MYO3B: variants seen among roughly 807,000 people sequenced by gnomAD.
The protein encoded by MYO3B is myosin-IIIb.
A neutral mutation model predicts 174.6 loss-of-function variants in MYO3B; 156 were observed. That is an observed-to-expected ratio of 0.89 (90% confidence interval 0.78 to 1.02). MYO3B has a LOEUF of 1.02. Ranked by LOEUF, MYO3B falls within the 50% of genes least tolerant of loss-of-function variation. The pLI is 0.00. For synonymous variants in MYO3B, 563 were observed against 569.1 expected (o/e 0.99, Z 0.15); for missense variants, 1,632 against 1,639.4 (o/e 1.00, Z 0.08).
At chr2:170,634,423 A>G (rs1258995861) in intron 32 of MYO3B, among the ~76,000 whole-genome samples, 1 of 152,224 alleles carries the variant, frequency 6.6e-6, no homozygotes, top group Non-Finnish European at 1.5e-5. Context: ...CATATGTAGA[A>G]AGCGGAAACT....
intron 29 of MYO3B, among the ~76,000 whole-genome samples, chr2:170,515,853 G>A (rs1688270587): frequency 6.6e-6 from 1 of 152,026 alleles, no homozygotes; most frequent in Non-Finnish European, 1.5e-5. Flanking sequence ...ATACTGAACT[G>A]GAACTTTACC....
intron 29 of MYO3B, among the ~76,000 whole-genome samples, chr2:170,519,093 C>G (rs1008339319): frequency 6.6e-6 from 1 of 152,180 alleles, no homozygotes; most frequent in African/African-American, 2.4e-5. Flanking sequence ...GATCTGCTGT[C>G]TCTGTCTAGC....
At chr2:170,224,520 C>T (rs896980876) in intron 6 of MYO3B, among the ~76,000 whole-genome samples, 2 of 151,904 alleles carry the variant, frequency 1.3e-5, no homozygotes, top group Admixed American at 1.3e-4. Flanking sequence ...TGGAAGTATA[C>T]TCTGAAATTG....
intron 20 of MYO3B, among the ~76,000 whole-genome samples, chr2:170,405,160 C>T (rs904433946): frequency 6.6e-6 from 1 of 152,158 alleles, no homozygotes; most frequent in Non-Finnish European, 1.5e-5. Flanking sequence ...GGCAGAGATT[C>T]ACTTTTATGA....
chr2:170,235,705 TGTG>T (rs2093062230), intron 6 of MYO3B, among the ~76,000 whole-genome samples: 1 of 152,192 alleles, frequency 6.6e-6, no homozygotes, highest in South Asian at 2.1e-4. Context: ...GTTGGGATGG[TGTG>T]GTATACATCC....
chr2:170,191,928 A>C (rs916366066), intron 1 of MYO3B, among the ~76,000 whole-genome samples: 4 of 152,110 alleles, frequency 2.6e-5, no homozygotes, highest in African/African-American at 9.7e-5. Flanking sequence ...GTAACTCGAG[A>C]TTCTCCTATT....
At chr2:170,573,818 A>G (rs973587923) in intron 32 of MYO3B, among the ~76,000 whole-genome samples, 1 of 152,214 alleles carries the variant, frequency 6.6e-6, no homozygotes, top group East Asian at 1.9e-4. Flanking sequence ...ACGAATTTCT[A>G]TCAATCAACC....
chr2:170,334,911 T>G (rs2093936949), intron 7 of MYO3B: 1 of 153,396 alleles, frequency 6.5e-6, no homozygotes, highest in Admixed American at 6.5e-5. Flanking sequence ...TAGGAGATAG[T>G]TAAAAATGTG....
At chr2:170,454,093 G>A (rs1032878332) in intron 23 of MYO3B, among the ~76,000 whole-genome samples, 7 of 152,188 alleles carry the variant, frequency 4.6e-5, no homozygotes, top group African/African-American at 1.7e-4. Flanking sequence ...ACAAAGACAA[G>A]ATGGACAGAA....
chr2:170,178,149 A>T lies in MYO3B; in HGVS notation c.-139A>T, dbSNP rs550408082. The T allele has an allele frequency of 4.8e-6, 5 of 1,051,786 alleles. No homozygotes were observed. The South Asian group carries it at 6.4e-5, about 13-fold the overall frequency. The allele number at this position is 1,051,786 out of a possible 1,614,324, so 65.2% of individuals were successfully genotyped here. ...GAGGCTAACACCTCTTGGAACCTAG[A>T]TCGAAAGTCCTTTGGTAATGATGTG... On this transcript the variant is annotated 5_prime_UTR_variant, in exon 1 of 35. Transcript: ENST00000408978.
intron 32 of MYO3B, among the ~76,000 whole-genome samples, chr2:170,638,799 C>G (rs1697731171): frequency 6.6e-6 from 1 of 152,208 alleles, no homozygotes; most frequent in East Asian, 1.9e-4. Context: ...AAATTACTAC[C>G]TCAGTCCACC....
intron 28 of MYO3B, among the ~76,000 whole-genome samples, chr2:170,514,577 C>T (rs557784676): frequency 6.6e-6 from 1 of 152,170 alleles, no homozygotes; most frequent in Non-Finnish European, 1.5e-5. Flanking sequence ...ACCAAGAATC[C>T]TAGCCTGGTG....
intron 32 of MYO3B, among the ~76,000 whole-genome samples, chr2:170,590,544 A>G (rs1437284007): frequency 6.6e-6 from 1 of 152,086 alleles, no homozygotes; most frequent in African/African-American, 2.4e-5. Flanking sequence ...ACTTTCTTCA[A>G]ACATTTCCTT....
At chr2:170,575,508 G>A (rs72625228) in intron 32 of MYO3B, among the ~76,000 whole-genome samples, 7,113 of 152,242 alleles carry the variant, frequency 0.047, 366 homozygotes, top group East Asian at 0.25. Context: ...TGTGCACTGA[G>A]ATTTGAACTT....
chr2:170,434,350 T>C (rs1429496596), intron 22 of MYO3B, among the ~76,000 whole-genome samples: 1 of 152,186 alleles, frequency 6.6e-6, no homozygotes, highest in Non-Finnish European at 1.5e-5. Context: ...TAAAATTTTC[T>C]TTTTGATTCT....
At chr2:170,291,450 G>A (rs1322864991) in intron 7 of MYO3B, among the ~76,000 whole-genome samples, 2 of 152,122 alleles carry the variant, frequency 1.3e-5, no homozygotes, top group East Asian at 1.9e-4. Flanking sequence ...AGTTATGAGT[G>A]GATTGCACAC....
intron 32 of MYO3B, among the ~76,000 whole-genome samples, chr2:170,560,563 G>A (rs1016256185): frequency 6.6e-6 from 1 of 152,032 alleles, no homozygotes; most frequent in African/African-American, 2.4e-5. Flanking sequence ...TGTTAAATTG[G>A]TGCCAGTATT....
chr2:170,394,794 T>C (rs537980452), intron 16 of MYO3B, among the ~76,000 whole-genome samples: 80 of 152,356 alleles, frequency 5.3e-4, no homozygotes, highest in African/African-American at 1.8e-3. Context: ...TTTGCTGAGT[T>C]AACTCAGTTC....
intron 32 of MYO3B, among the ~76,000 whole-genome samples, chr2:170,631,642 G>C (rs1240143673): frequency 6.6e-6 from 1 of 151,834 alleles, no homozygotes; most frequent in African/African-American, 2.4e-5. Context: ...AAATGTTAAG[G>C]GCAGCCAGAG....
Sources: allele counts gnomAD v4.1 joint callset (sites outside exome capture counted in the v4.1 genomes callset), GRCh38; gene constraint gnomAD v4.1.1; transcripts MANE v1.5; gene names NCBI Gene and HGNC (gene_info 2026-07-23, HGNC 2026-07-21).